RIF1: variants seen among roughly 807,000 people sequenced by gnomAD.
The protein encoded by RIF1 is replication timing regulatory factor 1, also known as telomere-associated protein RIF1.
Under a neutral mutation model 247.1 loss-of-function variants are expected in RIF1, and 45 were observed. The ratio of observed to expected loss-of-function variants is 0.18; its 90% CI spans 0.14 to 0.23. The LOEUF (loss-of-function observed/expected upper bound fraction) is 0.23, where lower values mean the gene tolerates loss of function less well. RIF1 is among the 10% of genes least tolerant of loss of function. The pLI, the probability that RIF1 is intolerant of heterozygous loss-of-function variation, is 1.00. For missense variants in RIF1, 2,967 were observed against 2,862.5 expected (o/e 1.04, Z -0.83); for synonymous variants, 1,087 against 978.8 (o/e 1.11, Z -2.06).
At chr2:151,526,293 A>C in the RIF1 span, 1 of 1,425,204 alleles carries the variant, frequency 7.0e-7, no homozygotes, top group Non-Finnish European at 9.8e-7. Context: ...GCATTTCTTT[A>C]GCTCTGCTGG....
intron 26 of RIF1, among the ~76,000 whole-genome samples, 198 bp from the exon 27 acceptor site, chr2:151,460,940 A>G (rs1696057191): frequency 6.6e-6 from 1 of 152,326 alleles, no homozygotes; most frequent in South Asian, 2.1e-4. Context: ...GAGGTTTAAT[A>G]CTGTCTACTT....
chr2:151,438,760 C>T lies in RIF1; in HGVS notation c.1546+14C>T, dbSNP rs758227047. The stretch of plus-strand genomic sequence containing the variant: ...TTACTGAATCAGGTAAGCACTATTA[C>T]ACTGATCAAATGTTGTTTTTTGAAA... On this transcript the variant is annotated intron_variant, in intron 14 of 35. Coordinates refer to ENST00000444746, the MANE Select transcript of RIF1 (RefSeq NM_018151.5). 6 of 1,568,682 alleles carry T rather than the reference C, an allele frequency of 3.8e-6. No individual in the cohort carries two copies. The East Asian group carries it at 9.0e-5, about 23-fold the overall frequency.
At chr2:151,514,196 T>C in the RIF1 span, 1 of 694,468 alleles carries the variant, frequency 1.4e-6, no homozygotes, top group Non-Finnish European at 2.5e-6. Context: ...ATATGGAATC[T>C]GAAAATGAAA....
exon 14 of RIF1, chr2:151,507,804 CAG>C (rs1426608474): frequency 2.8e-5 from 15 of 541,996 alleles, no homozygotes; most frequent in Non-Finnish European, 4.6e-5. Flanking sequence ...AACGAAGTAA[CAG>C]ATGAGTCTTT....
intron 21 of RIF1, among the ~76,000 whole-genome samples, chr2:151,453,794 T>C (rs1413514117): frequency 6.6e-6 from 1 of 152,358 alleles, no homozygotes; most frequent in African/African-American, 2.4e-5. Flanking sequence ...GGTTTTCCAC[T>C]GTAAGGTTAA....
rs2048999547 is a variant in RIF1 at position 151,477,731 on chromosome 2, GGA to G, written c.*2662_*2663del. On this transcript the variant is annotated 3_prime_UTR_variant, in exon 36 of 36. Transcript: ENST00000444746. ...GGCCATTTTCTTTTTTTTTTGAGGT[GGA>G]GTTTTCGCCCTTGCTGCCCAGGCTG... The G allele has an allele frequency of 6.7e-6, 1 of 148,270 alleles. No homozygotes were observed. The highest frequency in any genetic ancestry group is 2.2e-4 in the South Asian group (1 of 4,612). 9.2% of individuals were successfully genotyped at this position (148,270 alleles called of 1,614,324 possible).
rs1435718050 is a variant in RIF1 at position 151,443,315 on chromosome 2, T to C, written c.1791T>C (p.Gly597=). 3 of 1,593,132 alleles carry C rather than the reference T, an allele frequency of 1.9e-6. No homozygotes were observed. In the African/African-American group the frequency reaches 4.0e-5, roughly 21 times the overall value. The change falls in exon 17 of 36, where the codon GGT becomes GGC. Residue 597 remains glycine, a synonymous_variant. Transcript: ENST00000444746. The stretch of plus-strand genomic sequence containing the variant: ...TTTTCAACAATTTCTTGGAATGTGG[T>C]GTATCAGATGAAAGGTAAGTTTGTA... The part of the protein sequence containing the change: ...QLIFNNFLEC[G]VSDERFFLSL...
chr2:151,444,260 C>T (rs1692849043), intron 18 of RIF1, among the ~76,000 whole-genome samples: 1 of 152,170 alleles, frequency 6.6e-6, no homozygotes, highest in Non-Finnish European at 1.5e-5. Context: ...TATGCATTCT[C>T]TGGGCTAATA....
At chr2:151,411,769 T>G (rs1686282556) in intron 3 of RIF1, among the ~76,000 whole-genome samples, 1 of 152,230 alleles carries the variant, frequency 6.6e-6, no homozygotes, top group Non-Finnish European at 1.5e-5. Context: ...ACAGCAATAA[T>G]ACTGATTATA....
the RIF1 span, chr2:151,513,810 G>A: frequency 6.2e-5 from 45 of 726,108 alleles, no homozygotes; most frequent in African/African-American, 5.1e-4. Flanking sequence ...AGATAGTGTC[G>A]CTTGCTACTC....
At chr2:151,525,046 C>T in the RIF1 span, 1 of 810,558 alleles carries the variant, frequency 1.2e-6, no homozygotes, top group African/African-American at 1.7e-5. Context: ...TCGCCACTAA[C>T]TTTTTGAAAC....
At chr2:151,489,226 A>G (rs1255361958) in intron 9 of RIF1, among the ~76,000 whole-genome samples, 2 of 152,192 alleles carry the variant, frequency 1.3e-5, no homozygotes, top group Non-Finnish European at 1.5e-5. Flanking sequence ...GTTCATATCA[A>G]TCCTAAAGTA....
intron 7 of RIF1, among the ~76,000 whole-genome samples, 194 bp downstream of exon 7, chr2:151,420,573 A>G (rs1233983267): frequency 6.6e-6 from 1 of 151,932 alleles, no homozygotes; most frequent in Non-Finnish European, 1.5e-5. Flanking sequence ...CCATCTCTAC[A>G]AAATATCTTA....
chr2:151,498,734 A>ATAT (rs1237685387), intron 10 of RIF1, among the ~76,000 whole-genome samples: 20 of 152,138 alleles, frequency 1.3e-4, no homozygotes, highest in Admixed American at 3.3e-4. Flanking sequence ...TCACATAGGG[A>ATAT]TATTTGGGTT....
exon 13 of RIF1, chr2:151,506,259 C>G (rs749583428): frequency 6.2e-7 from 1 of 1,608,484 alleles, no homozygotes; most frequent in Non-Finnish European, 8.5e-7. Flanking sequence ...TATATAAAAC[C>G]TGGGCATTCA....
intron 33 of RIF1, among the ~76,000 whole-genome samples, chr2:151,469,043 C>G (rs1475141957): frequency 6.6e-6 from 1 of 152,110 alleles, no homozygotes; most frequent in Non-Finnish European, 1.5e-5. Flanking sequence ...AATATCATTT[C>G]TACTTTATAG....
At position 151,489,707 on chromosome 2, in the gene RIF1, A is replaced by G. The variant is rs1003768468; in HGVS notation, c.*416-5522A>G. Among the ~76,000 whole-genome samples the G allele has an allele frequency of 1.4e-4, 21 of 152,046 alleles. 1 individual carries two copies. Among genetic ancestry groups the G allele is most frequent in the Admixed American group, 1.2e-3 (18 of 15,256 alleles). On this transcript the variant is annotated intron_variant and NMD_transcript_variant, in intron 9 of 13. Coordinates refer to the RIF1 transcript ENST00000454583. Reference sequence around the variant, plus strand: ...TCACTATGCCCAGCAAATGTTTAAGATAGTAGGTGAGACCAATGAGCCAAA... The same window carrying G: ...TCACTATGCCCAGCAAATGTTTAAGGTAGTAGGTGAGACCAATGAGCCAAA...
chr2:151,487,861 C>T (rs969393759), intron 9 of RIF1, among the ~76,000 whole-genome samples: 7 of 152,086 alleles, frequency 4.6e-5, no homozygotes, highest in Admixed American at 4.6e-4. Context: ...AAGCAGTCCT[C>T]CCACCTCCTA....
chr2:151,526,150 G>T, the RIF1 span: 1 of 1,613,562 alleles, frequency 6.2e-7, no homozygotes, highest in Non-Finnish European at 8.5e-7. Flanking sequence ...TGGGCGGCTG[G>T]GGGTTACCTC....
Sources: gnomAD v4.1 joint callset for allele counts (sites outside exome capture counted in the v4.1 genomes callset) on GRCh38, gnomAD v4.1.1 for gene constraint, MANE v1.5 for transcripts, NCBI Gene and HGNC (gene_info 2026-07-23, HGNC 2026-07-21) for gene names.